Variants in ZCWPW2 observed in about 807,000 individuals in gnomAD.
The protein encoded by ZCWPW2 is zinc finger CW-type PWWP domain protein 2.
Under a neutral mutation model 46.6 loss-of-function variants are expected in ZCWPW2, and 45 were observed. The observed-to-expected ratio is 0.96, with a 90% confidence interval of 0.76 to 1.24. The LOEUF (loss-of-function observed/expected upper bound fraction) is 1.24. Among genes scored for constraint, ZCWPW2 ranks in the 50% most tolerant of loss-of-function variants. The pLI is 0.00. For synonymous variants in ZCWPW2, 152 were observed against 137.1 expected, an observed-to-expected ratio of 1.11 and a Z score of -0.76; for missense variants, 429 against 403.9, an observed-to-expected ratio of 1.06 and a Z score of -0.53.
At chr3:28,452,954 A>T (rs1698282161) in intron 4 of ZCWPW2, among the ~76,000 whole-genome samples, 1 of 152,196 alleles carries the variant, frequency 6.6e-6, no homozygotes, top group Admixed American at 6.5e-5. Context: ...GAGCTAGTTG[A>T]TCATCTTATT....
chr3:28,490,955 AATAC>A (rs1213426380), intron 5 of ZCWPW2, among the ~76,000 whole-genome samples: 1 of 152,112 alleles, frequency 6.6e-6, no homozygotes, highest in Non-Finnish European at 1.5e-5. Flanking sequence ...TTTTGGATGA[AATAC>A]ATATACATTT....
chr3:28,494,907 C>T (rs1699934992), intron 6 of ZCWPW2, among the ~76,000 whole-genome samples: 1 of 146,910 alleles, frequency 6.8e-6, no homozygotes, highest in Non-Finnish European at 1.5e-5. Flanking sequence ...AACTACAAAC[C>T]ACTGCTCAAG....
In ZCWPW2 at chr3:28,466,381, A is replaced by T. The variant is rs559771965; in HGVS notation, c.493-12433A>T. ...ATAAAGAAGTAACCATTTTGAAAAT[A>T]TGAAGAGACTAAAATTCTCATTTAT... On this transcript the variant is annotated intron_variant, in intron 4 of 9. Transcript: ENST00000383768. Among the ~76,000 whole-genome samples the T allele has an allele frequency of 5.3e-4, 81 of 152,346 alleles. 2 individuals are homozygous for T. Among genetic ancestry groups the T allele is most frequent in the Non-Finnish European group, 4.4e-5 (3 of 68,026 alleles).
At chr3:28,411,331 T>C (rs1190557736) in intron 2 of ZCWPW2, among the ~76,000 whole-genome samples, 3 of 151,958 alleles carry the variant, frequency 2.0e-5, no homozygotes, top group Non-Finnish European at 4.4e-5. Flanking sequence ...CACCACATTA[T>C]GATTAATATC....
chr3:28,414,683 C>T (rs1355843536), intron 3 of ZCWPW2, among the ~76,000 whole-genome samples: 1 of 115,550 alleles, frequency 8.7e-6, no homozygotes, highest in African/African-American at 3.4e-5. Context: ...GTTCAATTCC[C>T]ACCTATGAGT....
intron 3 of ZCWPW2, among the ~76,000 whole-genome samples, chr3:28,414,457 T>A (rs13066088): frequency 0.25 from 37,785 of 151,924 alleles, 5,413 homozygotes; most frequent in Middle Eastern, 0.32. Flanking sequence ...GGTTTTTTTT[T>A]AATTTTATTA....
intron 4 of ZCWPW2, among the ~76,000 whole-genome samples, chr3:28,439,090 C>CAT (rs201237533): frequency 0.027 from 3,763 of 137,254 alleles, 148 homozygotes; most frequent in African/African-American, 0.097. Flanking sequence ...TATATATACA[C>CAT]ATATATACAC....
intron 1 of ZCWPW2, among the ~76,000 whole-genome samples, chr3:28,388,920 A>G (rs185901065): frequency 3.2e-4 from 48 of 152,248 alleles, no homozygotes; most frequent in Non-Finnish European, 6.0e-4. Context: ...TTTCTCTTGT[A>G]TTGCAGACAT....
chr3:28,353,348 G>A (rs1210901500), intron 1 of ZCWPW2, among the ~76,000 whole-genome samples: 11 of 152,238 alleles, frequency 7.2e-5, no homozygotes, highest in Middle Eastern at 3.4e-3. Flanking sequence ...ATGATAGGGT[G>A]ATCAATTTAA....
chr3:28,505,453 A>G (rs1446627328), intron 6 of ZCWPW2, among the ~76,000 whole-genome samples: 3 of 152,160 alleles, frequency 2.0e-5, no homozygotes, highest in Non-Finnish European at 4.4e-5. Context: ...AATAGTGTCT[A>G]AAATAGGGCC....
chr3:28,391,174 G>A (rs1233634449), intron 2 of ZCWPW2, among the ~76,000 whole-genome samples: 1 of 152,162 alleles, frequency 6.6e-6, no homozygotes, highest in African/African-American at 2.4e-5. Flanking sequence ...AAGGTTTTTA[G>A]CAAGTCTTCA....
intron 3 of ZCWPW2, 56 bp downstream of exon 3, chr3:28,413,456 T>A (rs1241331722): frequency 7.2e-6 from 10 of 1,397,112 alleles, no homozygotes; most frequent in Admixed American, 2.4e-5. Context: ...GGTTTATGAA[T>A]ATTAAAAATC....
intron 4 of ZCWPW2, among the ~76,000 whole-genome samples, chr3:28,468,264 AAAG>A (rs1240684044): frequency 6.6e-6 from 1 of 152,084 alleles, no homozygotes; most frequent in East Asian, 1.9e-4. Context: ...TTGAAAATAC[AAAG>A]AAGAGACAAA....
At chr3:28,379,398 A>G (rs143314268) in intron 1 of ZCWPW2, among the ~76,000 whole-genome samples, 450 of 152,340 alleles carry the variant, frequency 3.0e-3, no homozygotes, top group African/African-American at 0.01. Flanking sequence ...CAAGTGCTAT[A>G]GAATGAGGGT....
chr3:28,394,121 G>T (rs775267833), intron 2 of ZCWPW2, among the ~76,000 whole-genome samples: 1 of 152,066 alleles, frequency 6.6e-6, no homozygotes, highest in South Asian at 2.1e-4. Context: ...TTATGTTTTT[G>T]TACACTAACA....
chr3:28,441,934 C>G (rs1401807197), intron 4 of ZCWPW2, among the ~76,000 whole-genome samples: 1 of 152,172 alleles, frequency 6.6e-6, no homozygotes, highest in African/African-American at 2.4e-5. Flanking sequence ...CTCCAAAATC[C>G]TGGAGGCCTC....
intron 2 of ZCWPW2, among the ~76,000 whole-genome samples, chr3:28,401,182 A>G (rs938550759): frequency 2.0e-5 from 3 of 152,152 alleles, no homozygotes; most frequent in African/African-American, 7.2e-5. Context: ...CATCTCAAAA[A>G]AAAAACAAAC....
chr3:28,349,175 G>C lies in ZCWPW2; in HGVS notation c.-162G>C. 1.0e-6 allele frequency: 1 copy of C among 985,692 alleles called. No individual in the cohort carries two copies. The highest frequency in any genetic ancestry group is 1.2e-6 in the Non-Finnish European group (1 of 830,154). The allele number at this position is 985,692 out of a possible 1,614,324, so 61.1% of individuals were successfully genotyped here. ...GCGGGACGGGGCGGGGCCGCGGGAC[G>C]CCAGGAGGCGGAGGCGGAGTGGAGT... On this transcript the variant is annotated 5_prime_UTR_variant, in exon 1 of 10. Coordinates refer to ENST00000383768, the MANE Select transcript of ZCWPW2 (RefSeq NM_001040432.4).
intron 4 of ZCWPW2, among the ~76,000 whole-genome samples, chr3:28,471,258 G>A (rs908394149): frequency 3.9e-5 from 6 of 151,996 alleles, no homozygotes; most frequent in African/African-American, 1.2e-4. Context: ...CATTCTATGA[G>A]GCCAGTATTA....
Sources: allele counts gnomAD v4.1 joint callset (sites outside exome capture counted in the v4.1 genomes callset), GRCh38; gene constraint gnomAD v4.1.1; transcripts MANE v1.5; gene names NCBI Gene and HGNC (gene_info 2026-07-23, HGNC 2026-07-21).